WIPF1: variants seen among roughly 807,000 people sequenced by gnomAD.
WIPF1 encodes the protein WAS/WASL interacting protein family member 1.
WIPF1 carries 13 observed loss-of-function variants against 35.4 expected under a neutral mutation model. That is an observed-to-expected ratio of 0.37 (90% CI 0.24 to 0.58). The LOEUF (loss-of-function observed/expected upper bound fraction) is 0.58. Ranked by LOEUF, WIPF1 falls within the 20% of genes least tolerant of loss-of-function variation. WIPF1 has a pLI of 0.74. For missense variants in WIPF1, 591 were observed against 667.0 expected, an observed-to-expected ratio of 0.89 and a Z score of 1.25; for synonymous variants, 267 against 266.3, an observed-to-expected ratio of 1.00 and a Z score of -0.02.
At chr2:174,585,024 T>C (rs1685360008) in intron 2 of WIPF1, among the ~76,000 whole-genome samples, 2 of 151,480 alleles carry the variant, frequency 1.3e-5, no homozygotes, top group South Asian at 4.2e-4. Context: ...GCAGAGGTGG[T>C]GGAGGGAGAT....
In WIPF1 at chr2:174,572,392, G is replaced by A. The variant is rs1684901977; in HGVS notation, c.413C>T (p.Ala138Val). The change falls in exon 5 of 8, where the codon GCG becomes GTG. Residue 138 changes from alanine to valine, a missense_variant. Physicochemically the swap from Ala to Val is moderately conservative, Grantham distance 64. Transcript: ENST00000679041. ...GCCACTTGGGGGTGAAAAGGGTTTCGCAGATGTGGATCTTCCTCCCGGTGG... is the reference window on the plus strand; with the variant it reads ...GCCACTTGGGGGTGAAAAGGGTTTCACAGATGTGGATCTTCCTCCCGGTGG... ...LLPPGGRSTS[A>V]KPFSPPSGPG... 5 of 1,614,046 alleles carry A rather than the reference G, an allele frequency of 3.1e-6. No individual in the cohort carries two copies. The highest frequency in any genetic ancestry group is 3.4e-6 in the Non-Finnish European group (4 of 1,180,034).
At chr2:174,602,106 G>A (rs766302533), upstream of WIPF1, among the ~76,000 whole-genome samples, 18 of 152,184 alleles carry the variant, frequency 1.2e-4, no homozygotes, top group Admixed American at 2.6e-4. Context: ...TTTTAAATGC[G>A]TATCTCTTTC....
At chr2:174,583,310 T>C (rs1381944236) in intron 2 of WIPF1, among the ~76,000 whole-genome samples, 1 of 152,234 alleles carries the variant, frequency 6.6e-6, no homozygotes, top group Non-Finnish European at 1.5e-5. Flanking sequence ...TGTCTTCATT[T>C]TAAGGATGAA....
At chr2:174,672,268 G>A (rs1688033604) in intron 1 of WIPF1, among the ~76,000 whole-genome samples, 1 of 152,240 alleles carries the variant, frequency 6.6e-6, no homozygotes. Context: ...TATAAATGAT[G>A]TGTGCTTACA....
intron 1 of WIPF1, among the ~76,000 whole-genome samples, chr2:174,586,432 G>C (rs1361381603): frequency 1.3e-5 from 2 of 152,196 alleles, no homozygotes; most frequent in Admixed American, 1.3e-4. Context: ...TTTCTGCAGA[G>C]TGTGCTTGCT....
At chr2:174,562,930 A>G (rs1483982618) in intron 7 of WIPF1, among the ~76,000 whole-genome samples, 12 of 152,166 alleles carry the variant, frequency 7.9e-5, no homozygotes. Context: ...TTCCTCCAGC[A>G]CCCAGAGATA....
chr2:174,571,656 C>T lies in WIPF1; in HGVS notation c.1129+20G>A, dbSNP rs540059248. 1.1e-5 allele frequency: 17 copies of T among 1,614,186 alleles called. No individual in the cohort carries two copies. The East Asian group carries it at 1.3e-4, about 13-fold the overall frequency. The stretch of plus-strand genomic sequence containing the variant: ...GGCAGGCTGGGTTTTGGAAGCAACT[C>T]ACTCCACGTCTTGTCATACCTGATC... On this transcript the variant is annotated intron_variant, in intron 5 of 7. Coordinates refer to ENST00000679041, the MANE Select transcript of WIPF1 (RefSeq NM_001375834.1). This position sits in a 1 kb window ranked among gnomAD's most constrained non-coding sequence, Gnocchi z 4.6.
At chr2:174,615,527 A>G (rs887715338) in intron 1 of WIPF1, among the ~76,000 whole-genome samples, 2 of 152,230 alleles carry the variant, frequency 1.3e-5, no homozygotes, top group Non-Finnish European at 2.9e-5. Context: ...ATTTATGGAA[A>G]AGGAAATATT....
At chr2:174,566,971 A>T in intron 7 of WIPF1, 99 bp downstream of exon 7, 1 of 1,149,180 alleles carries the variant, frequency 8.7e-7, no homozygotes, top group Non-Finnish European at 1.3e-6. Context: ...AGGGTTCTCT[A>T]CCCCACTCCA....
intron 3 of WIPF1, among the ~76,000 whole-genome samples, chr2:174,576,948 A>G (rs2105820176): frequency 6.6e-6 from 1 of 152,310 alleles, no homozygotes; most frequent in Admixed American, 6.5e-5. Context: ...TCTACAAATT[A>G]ATCTGGGAGA....
chr2:174,593,513 C>A (rs76095241), intron 1 of WIPF1, among the ~76,000 whole-genome samples: 3,214 of 152,268 alleles, frequency 0.021, 104 homozygotes, highest in African/African-American at 0.074. Flanking sequence ...TTTTGGGATT[C>A]CTACTCAATT....
Position 174,571,974 on chromosome 2 carries a change from G to T in WIPF1, c.831C>A (p.Ile277=). ...PPPPVGNRPS[I]HREAVPPPPP... ...GAGGAGGGGGAACCGCTTCCCTGTG[G>T]ATGGAGGGCCTGTTGCCCACTGGAG... Residue 277 remains isoleucine (I), a synonymous_variant, in exon 5 of 8, where the codon ATC becomes ATA. Transcript: ENST00000679041. This position sits in a 1 kb window ranked among gnomAD's most constrained non-coding sequence, Gnocchi z 4.6. 6.4e-7 allele frequency: 1 copy of T among 1,561,762 alleles called. No homozygotes were observed. The highest frequency in any genetic ancestry group is 8.7e-7 in the Non-Finnish European group (1 of 1,155,948).
At chr2:174,567,711 G>C in intron 6 of WIPF1, 150 bp downstream of exon 6, 2 of 795,022 alleles carry the variant, frequency 2.5e-6, no homozygotes, top group East Asian at 5.7e-5. Context: ...ATCATGGTGG[G>C]CCTTAGAATG....
chr2:174,605,906 G>T (rs1686148375), intron 1 of WIPF1, among the ~76,000 whole-genome samples: 1 of 151,944 alleles, frequency 6.6e-6, no homozygotes. Flanking sequence ...CTGTTAAAGA[G>T]GTTTGCTTAA....
Position 174,629,758 on chromosome 2 carries a change from G to C in WIPF1, c.-38-44147C>G, listed in dbSNP as rs528162046. On this transcript the variant is annotated intron_variant, in intron 1 of 8. Coordinates refer to the WIPF1 transcript ENST00000272746. ...ATCTAGCCTTCCGCGTAGCAGGCTG[G>C]TGAGGTATTGAGCAGCCCCTCTATT... 3.3e-5 allele frequency: 5 copies of C among 152,352 alleles called. No individual in the cohort carries two copies. In the South Asian group the frequency reaches 1.0e-3, roughly 32 times the overall value. The allele number at this position is 152,352 out of a possible 1,614,324, so 9.4% of individuals were successfully genotyped here.
intron 1 of WIPF1, among the ~76,000 whole-genome samples, chr2:174,667,741 C>T (rs1007241882): frequency 2.6e-5 from 4 of 152,168 alleles, no homozygotes; most frequent in African/African-American, 7.2e-5. Flanking sequence ...TGCAGCTTGC[C>T]GGCCTCCAGG....
At chr2:174,597,103 G>A (rs1685844207) in intron 1 of WIPF1, among the ~76,000 whole-genome samples, 2 of 152,230 alleles carry the variant, frequency 1.3e-5, no homozygotes, top group African/African-American at 2.4e-5. Context: ...ACTCTGCTTA[G>A]AAATGGTTTA....
At chr2:174,663,646 C>T (rs1350597220) in intron 1 of WIPF1, among the ~76,000 whole-genome samples, 3 of 152,350 alleles carry the variant, frequency 2.0e-5, no homozygotes, top group Non-Finnish European at 4.4e-5. Context: ...AAGCAAATTG[C>T]ACGAGGGATT....
At chr2:174,635,187 G>C (rs1161564936) in intron 1 of WIPF1, among the ~76,000 whole-genome samples, 1 of 152,206 alleles carries the variant, frequency 6.6e-6, no homozygotes, top group African/African-American at 2.4e-5. Flanking sequence ...CCCAATTGTT[G>C]GTTCGGAAAA....
Sources: gnomAD v4.1 joint callset for allele counts (sites outside exome capture counted in the v4.1 genomes callset) on GRCh38, gnomAD v4.1.1 for gene constraint, Gnocchi (gnomAD v3.1) non-coding constraint, MANE v1.5 for transcripts, NCBI Gene and HGNC (gene_info 2026-07-23, HGNC 2026-07-21) for gene names.